Variants in NFKBIL1 observed in about 807,000 individuals in gnomAD.
NFKBIL1 encodes the protein NFKB inhibitor like 1.
A neutral mutation model predicts 45.4 loss-of-function variants in NFKBIL1; 30 were observed. The observed-to-expected ratio is 0.66, with a 90% CI of 0.49 to 0.90. The LOEUF (loss-of-function observed/expected upper bound fraction) is 0.90, where lower values mean the gene tolerates loss of function less well. Ranked by LOEUF, NFKBIL1 falls within the 40% of genes least tolerant of loss-of-function variation. The pLI is 0.00. For missense variants in NFKBIL1, 434 were observed against 513.4 expected (o/e 0.85, Z 1.49); for synonymous variants, 179 against 197.3 (o/e 0.91, Z 0.78).
At position 31,548,252 on chromosome 6, in the gene NFKBIL1, C is replaced by T. The variant is rs1179532940; in HGVS notation, c.147C>T (p.Ala49=). 7.4e-6 allele frequency: 12 copies of T among 1,612,960 alleles called. No homozygotes were observed. Among genetic ancestry groups the T allele is most frequent in the South Asian group, 1.1e-5 (1 of 91,088 alleles). The change falls in exon 2 of 4, where the codon GCC becomes GCT. Residue 49 remains alanine, a synonymous_variant. Coordinates refer to ENST00000376148, the MANE Select transcript of NFKBIL1 (RefSeq NM_005007.4). Reference sequence around the variant, plus strand: ...TGTCTGCAGGACGGCTGGTCCGGGCCCAGGCCCTCCTCCAGCGACACCCAG... The same window carrying T: ...TGTCTGCAGGACGGCTGGTCCGGGCTCAGGCCCTCCTCCAGCGACACCCAG... ...RYLSAGRLVR[A]QALLQRHPGL...
chr6:31,547,657 C>A lies in NFKBIL1; in HGVS notation c.-38C>A. On this transcript the variant is annotated 5_prime_UTR_variant, in exon 1 of 4. Coordinates refer to ENST00000376148, the MANE Select transcript of NFKBIL1 (RefSeq NM_005007.4). ...TTCTTAAACACAGGCCTTGGGCCTA[C>A]GGCTCTGGGGGTACTTGGGGGGGCG... 2 of 1,523,854 alleles carry A rather than the reference C, an allele frequency of 1.3e-6. No individual in the cohort carries two copies. The highest frequency in any genetic ancestry group is 1.8e-6 in the Non-Finnish European group (2 of 1,108,594). 94.4% of individuals were successfully genotyped at this position (1,523,854 alleles called of 1,614,324 possible).
intron 2 of NFKBIL1, among the ~76,000 whole-genome samples, chr6:31,551,035 T>C (rs1769403219): frequency 1.3e-5 from 2 of 151,910 alleles, no homozygotes; most frequent in African/African-American, 4.8e-5. Context: ...TTTGTTTGCT[T>C]GTTTGTTTTG....
At chr6:31,548,547 G>A in intron 2 of NFKBIL1, 108 bp downstream of exon 2, 1 of 1,269,850 alleles carries the variant, frequency 7.9e-7, no homozygotes, top group Non-Finnish European at 1.0e-6. Context: ...CAGGACCTAG[G>A]GAAGGAGTTA....
Position 31,549,285 on chromosome 6 carries a change from C to G in NFKBIL1, c.334+846C>G, listed in dbSNP as rs1042761709. Among the ~76,000 whole-genome samples the G allele has an allele frequency of 2.0e-5, 3 of 151,970 alleles. No homozygotes were observed. The East Asian group carries it at 5.8e-4, about 29-fold the overall frequency. On this transcript the variant is annotated intron_variant, in intron 2 of 3. Coordinates refer to ENST00000376148, the MANE Select transcript of NFKBIL1 (RefSeq NM_005007.4). ...TTTTTGTTTTTTATGAAGTTTCACT[C>G]TTCTTGCCCAGGCTGGAATGCAATG...
rs1483467615 is a variant in NFKBIL1, at chr6:31,557,819, G to A, written c.526G>A (p.Glu176Lys). The A allele has an allele frequency of 3.1e-6, 5 of 1,605,844 alleles. No homozygotes were observed. The highest frequency in any genetic ancestry group is 1.1e-5 in the South Asian group (1 of 90,294). The change falls in exon 3 of 4, where the codon GAG becomes AAG. Residue 176 changes from glutamate (E) to lysine (K), a missense_variant. Glu to Lys is a moderately conservative substitution (Grantham distance 56, BLOSUM62 1). Around this residue, in one of 4 missense-constraint regions of NFKBIL1, gnomAD observed 231 missense variants for 264.1 expected, o/e 0.87. Transcript: ENST00000376148. This position sits in a 1 kb window ranked among gnomAD's most constrained non-coding sequence, Gnocchi z 5.4. ...RQKLQGELEDEWQEVMGRFEG... is the reference protein window; with the variant it reads ...RQKLQGELEDKWQEVMGRFEG... ...GAAGCTCCAGGGTGAGCTGGAGGACGAGTGGCAGGAAGTCATGGGGAGGTT... is the reference window on the plus strand; with the variant it reads ...GAAGCTCCAGGGTGAGCTGGAGGACAAGTGGCAGGAAGTCATGGGGAGGTT...
chr6:31,553,820 G>A (rs895299051), intron 2 of NFKBIL1, among the ~76,000 whole-genome samples: 3 of 152,018 alleles, frequency 2.0e-5, no homozygotes, highest in African/African-American at 7.2e-5. Flanking sequence ...CCGCCACCAC[G>A]TCAGGCTAAT....
At chr6:31,547,390 T>C (rs1368477291), upstream of NFKBIL1, among the ~76,000 whole-genome samples, 2 of 151,838 alleles carry the variant, frequency 1.3e-5, no homozygotes, top group Non-Finnish European at 2.9e-5. Flanking sequence ...CTCTCTTTTC[T>C]CCCTCCCCTC....
chr6:31,554,136 A>G (rs2516396), intron 2 of NFKBIL1, among the ~76,000 whole-genome samples: 121,957 of 152,010 alleles, frequency 0.8, 49,113 homozygotes, highest in South Asian at 0.92. Flanking sequence ...GCCGGGTGCG[A>G]TAGCTCACAC....
Position 31,548,227 on chromosome 6 carries a change from TGTCTGCAGGACGGCTGGTCCGG to T in NFKBIL1, c.124_145del (p.Ser42ProfsTer13), listed in dbSNP as rs746524249. 6.2e-7 allele frequency: 1 copy of T among 1,613,096 alleles called. No individual in the cohort carries two copies. The highest frequency in any genetic ancestry group is 8.5e-7 in the Non-Finnish European group (1 of 1,180,036). ...CGAGAACGTCGCTTTCGTCGTTACT[TGTCTGCAGGACGGCTGGTCCGG>T]GCCCAGGCCCTCCTCCAGCGACACC... On this transcript the variant is annotated frameshift_variant, in exon 2 of 4. Transcript: ENST00000376148. LOFTEE classifies it high-confidence loss of function.
rs748954085 is a variant in NFKBIL1 at position 31,557,818 on chromosome 6, C to G, written c.525C>G (p.Asp175Glu). Residue 175 changes from aspartate to glutamate, a missense_variant, in exon 3 of 4, where the codon GAC (aspartate) becomes GAG (glutamate). Around this residue, in one of 4 missense-constraint regions of NFKBIL1, gnomAD observed 231 missense variants for 264.1 expected, o/e 0.87. Coordinates refer to ENST00000376148, the MANE Select transcript of NFKBIL1 (RefSeq NM_005007.4). This position sits in a 1 kb window ranked among gnomAD's most constrained non-coding sequence, Gnocchi z 5.4. Reference sequence around the variant, plus strand: ...AGAAGCTCCAGGGTGAGCTGGAGGACGAGTGGCAGGAAGTCATGGGGAGGT... The same window carrying G: ...AGAAGCTCCAGGGTGAGCTGGAGGAGGAGTGGCAGGAAGTCATGGGGAGGT... ...WRQKLQGELEDEWQEVMGRFE... is the reference protein window; with the variant it reads ...WRQKLQGELEEEWQEVMGRFE... 1 of 1,605,694 alleles carries G rather than the reference C, an allele frequency of 6.2e-7. No homozygotes were observed. Among genetic ancestry groups the G allele is most frequent in the Non-Finnish European group, 8.5e-7 (1 of 1,174,710 alleles).
chr6:31,548,325 G>C lies in NFKBIL1; in HGVS notation c.220G>C (p.Ala74Pro). 1 of 1,600,544 alleles carries C rather than the reference G, an allele frequency of 6.2e-7. No individual in the cohort carries two copies. Among genetic ancestry groups the C allele is most frequent in the Non-Finnish European group, 8.5e-7 (1 of 1,173,914 alleles). The part of the protein sequence containing the change: ...GQPPPLHRAC[A>P]RHDAPALCLL... ...GCCCCCACCACTGCACCGGGCCTGT[G>C]CCCGCCACGATGCCCCTGCCCTGTG... is the stretch of plus-strand genomic sequence containing the variant. Residue 74 changes from alanine to proline, a missense_variant, in exon 2 of 4, where the codon GCC (alanine) becomes CCC (proline). Coordinates refer to ENST00000376148, the MANE Select transcript of NFKBIL1 (RefSeq NM_005007.4).
In NFKBIL1 at chr6:31,548,357, G is replaced by T. The variant is rs955998856; in HGVS notation, c.252G>T (p.Leu84=). 1.3e-6 allele frequency: 2 copies of T among 1,590,244 alleles called. No homozygotes were observed. The highest frequency in any genetic ancestry group is 1.7e-5 in the Admixed American group (1 of 58,760). The change falls in exon 2 of 4, where the codon CTG becomes CTT. Residue 84 remains leucine, a synonymous_variant. Coordinates refer to ENST00000376148, the MANE Select transcript of NFKBIL1 (RefSeq NM_005007.4). ...ACGATGCCCCTGCCCTGTGCCTGCT[G>T]CTTCGGCTCGGGGCTGACCCTGCCC... The part of the protein sequence containing the change: ...ARHDAPALCL[L]LRLGADPAHQ...
intron 2 of NFKBIL1, among the ~76,000 whole-genome samples, chr6:31,555,906 C>A (rs991508908): frequency 6.0e-5 from 9 of 149,268 alleles, no homozygotes; most frequent in African/African-American, 2.0e-4. Flanking sequence ...TTGTCCCCCC[C>A]CCCCAGCCTC....
chr6:31,554,024 G>T (rs1277372126), intron 2 of NFKBIL1, among the ~76,000 whole-genome samples: 2 of 152,204 alleles, frequency 1.3e-5, no homozygotes, highest in African/African-American at 2.4e-5. Flanking sequence ...AAAATGCAGA[G>T]AATGTTTTAT....
At chr6:31,556,789 G>T in intron 2 of NFKBIL1, 2 of 455,678 alleles carry the variant, frequency 4.4e-6, no homozygotes, top group South Asian at 1.5e-5. Flanking sequence ...CCCTGGTAAG[G>T]CTGGCTGAGA....
At position 31,548,312 on chromosome 6, in the gene NFKBIL1, G is replaced by A. The variant is rs1414811888; in HGVS notation, c.207G>A (p.Leu69=). The A allele has an allele frequency of 6.2e-7, 1 of 1,605,694 alleles. No individual in the cohort carries two copies. The highest frequency in any genetic ancestry group is 8.5e-7 in the Non-Finnish European group (1 of 1,176,624). The change falls in exon 2 of 4, where the codon CTG becomes CTA. Residue 69 remains leucine (L), a synonymous_variant. Coordinates refer to ENST00000376148, the MANE Select transcript of NFKBIL1 (RefSeq NM_005007.4). ...TAGATGCTGGGCAGCCCCCACCACT[G>A]CACCGGGCCTGTGCCCGCCACGATG... ...LDVDAGQPPP[L]HRACARHDAP...
At chr6:31,555,010 T>G (rs1769637845) in intron 2 of NFKBIL1, among the ~76,000 whole-genome samples, 1 of 152,196 alleles carries the variant, frequency 6.6e-6, no homozygotes. Flanking sequence ...TCCAAATAAA[T>G]GTGTCATATG....
At chr6:31,548,072 C>A in intron 1 of NFKBIL1, 91 bp from the exon 2 acceptor site, 1 of 1,537,220 alleles carries the variant, frequency 6.5e-7, no homozygotes. Context: ...AAGACGGAAC[C>A]AAAGGGAGAA....
At position 31,558,395 on chromosome 6, in the gene NFKBIL1, A is replaced by G. The variant is rs777600273; in HGVS notation, c.930A>G (p.Pro310=). 1.3e-6 allele frequency: 2 copies of G among 1,550,222 alleles called. No homozygotes were observed. Among genetic ancestry groups the G allele is most frequent in the Non-Finnish European group, 1.7e-6 (2 of 1,146,176 alleles). Residue 310 remains proline, a synonymous_variant, in exon 4 of 4, where the codon CCA becomes CCG. Transcript: ENST00000376148. This position sits in a 1 kb window ranked among gnomAD's most constrained non-coding sequence, Gnocchi z 7.2. ...GGCCCTGCCCTGGGGGAGGGGACCC[A>G]GAGGCCATGGCTGCAGCCCTGGTGG... The part of the protein sequence containing the change: ...VPWPCPGGGD[P]EAMAAALVAR...
Sources: allele counts gnomAD v4.1 joint callset (sites outside exome capture counted in the v4.1 genomes callset), GRCh38; gene constraint gnomAD v4.1.1; regional missense constraint gnomAD v4.1.1; non-coding constraint Gnocchi (gnomAD v3.1); transcripts MANE v1.5; gene names NCBI Gene and HGNC (gene_info 2026-07-23, HGNC 2026-07-21).